The following EHBP1 variants were observed in gnomAD, a reference collection of about 807,000 sequenced individuals.
EHBP1 encodes the protein EH domain binding protein 1, also known as EH domain-binding protein 1.
A neutral mutation model predicts 144.0 loss-of-function variants in EHBP1; 55 were observed. That is an observed-to-expected ratio of 0.38 (90% CI 0.31 to 0.48). The LOEUF (loss-of-function observed/expected upper bound fraction) is 0.48, where lower values mean the gene tolerates loss of function less well. Among genes scored for constraint, EHBP1 ranks in the 20% least tolerant of loss-of-function variants. The pLI is 0.98. For missense variants in EHBP1, 1,200 were observed against 1,364.2 expected (o/e 0.88, Z 1.90); for synonymous variants, 469 against 472.7 (o/e 0.99, Z 0.10).
chr2:62,928,913 C>T (rs753834021), intron 10 of EHBP1, among the ~76,000 whole-genome samples: 5 of 150,918 alleles, frequency 3.3e-5, no homozygotes, highest in Non-Finnish European at 7.4e-5. Context: ...ACATTACTAC[C>T]TATTCCACAG....
chr2:62,779,509 C>T (rs1234314520), intron 5 of EHBP1, among the ~76,000 whole-genome samples: 3 of 151,842 alleles, frequency 2.0e-5, no homozygotes, highest in South Asian at 4.1e-4. Context: ...AATTCATGTG[C>T]TTATGGCTAC....
intron 10 of EHBP1, among the ~76,000 whole-genome samples, chr2:62,894,472 G>C (rs2052718561): frequency 6.6e-6 from 1 of 152,014 alleles, no homozygotes. Flanking sequence ...AGTGATCAAA[G>C]GATAATTGGA....
At chr2:62,941,659 G>C (rs1207987774) in intron 10 of EHBP1, among the ~76,000 whole-genome samples, 2 of 152,074 alleles carry the variant, frequency 1.3e-5, no homozygotes, top group Non-Finnish European at 2.9e-5. Flanking sequence ...TCTTAGGTAA[G>C]CAGTGTAGTA....
intron 20 of EHBP1, among the ~76,000 whole-genome samples, chr2:63,038,103 T>C (rs1441822491): frequency 6.6e-6 from 1 of 152,144 alleles, no homozygotes; most frequent in Non-Finnish European, 1.5e-5. Flanking sequence ...TTATAAGAAT[T>C]ACAGTAAAAT....
At chr2:62,979,990 T>A (rs2058890000) in intron 15 of EHBP1, among the ~76,000 whole-genome samples, 1 of 152,188 alleles carries the variant, frequency 6.6e-6, no homozygotes, top group South Asian at 2.1e-4. Context: ...TCACAAGGCT[T>A]GTGAGCTTCT....
At chr2:62,818,850 C>T (rs2045649449) in intron 5 of EHBP1, among the ~76,000 whole-genome samples, 1 of 151,974 alleles carries the variant, frequency 6.6e-6, no homozygotes, top group South Asian at 2.1e-4. Context: ...TGTACAAGAC[C>T]ATATATTTTG....
chr2:62,778,475 T>C (rs2042192694), intron 5 of EHBP1, among the ~76,000 whole-genome samples: 1 of 150,892 alleles, frequency 6.6e-6, no homozygotes, highest in African/African-American at 2.4e-5. Context: ...GCCTGGGAGG[T>C]TGAGACTGTA....
At chr2:62,878,981 G>A (rs1357658006) in intron 10 of EHBP1, among the ~76,000 whole-genome samples, 2 of 150,584 alleles carry the variant, frequency 1.3e-5, no homozygotes, top group Non-Finnish European at 2.9e-5. Flanking sequence ...TTGTGCCACT[G>A]CACTCCAGCC....
intron 5 of EHBP1, among the ~76,000 whole-genome samples, chr2:62,819,704 C>T (rs2045744672): frequency 6.6e-6 from 1 of 150,642 alleles, no homozygotes; most frequent in South Asian, 2.1e-4. Flanking sequence ...GTGGAGGTTG[C>T]AGTGAGCTGA....
chr2:62,998,545 G>A (rs1478410706), intron 19 of EHBP1, among the ~76,000 whole-genome samples: 1 of 152,064 alleles, frequency 6.6e-6, no homozygotes, highest in Non-Finnish European at 1.5e-5. Flanking sequence ...TGTGCCACTA[G>A]TGAAAAAGCT....
intron 5 of EHBP1, among the ~76,000 whole-genome samples, chr2:62,815,573 C>T (rs2045376690): frequency 6.6e-6 from 1 of 152,102 alleles, no homozygotes; most frequent in Admixed American, 6.6e-5. Flanking sequence ...CTAAAGTAGC[C>T]ACTTTTTTCC....
At chr2:62,835,934 C>A (rs1465578221) in intron 7 of EHBP1, among the ~76,000 whole-genome samples, 1 of 151,936 alleles carries the variant, frequency 6.6e-6, no homozygotes, top group Non-Finnish European at 1.5e-5. Context: ...CGCCATTGCC[C>A]AGGCTTGCTT....
intron 7 of EHBP1, among the ~76,000 whole-genome samples, chr2:62,847,035 G>A (rs1032375915): frequency 2.0e-5 from 3 of 152,120 alleles, no homozygotes; most frequent in Non-Finnish European, 4.4e-5. Context: ...TATTGAGAAA[G>A]AACTGAATTA....
intron 7 of EHBP1, among the ~76,000 whole-genome samples, chr2:62,834,319 T>G (rs1385289728): frequency 1.3e-5 from 2 of 152,206 alleles, no homozygotes; most frequent in Non-Finnish European, 2.9e-5. Flanking sequence ...ACAGAGAAAT[T>G]TTTAATGAAA....
intron 9 of EHBP1, among the ~76,000 whole-genome samples, chr2:62,873,807 C>G (rs1326799342): frequency 1.3e-5 from 2 of 152,138 alleles, no homozygotes; most frequent in African/African-American, 4.8e-5. Flanking sequence ...CTAGAATTCT[C>G]TACCCAGCTA....
At chr2:62,770,882 C>T in intron 4 of EHBP1, among the ~76,000 whole-genome samples, 1 of 152,106 alleles carries the variant, frequency 6.6e-6, no homozygotes, top group Non-Finnish European at 1.5e-5. Context: ...AGGCTATTAT[C>T]CTTCACATAC....
intron 5 of EHBP1, among the ~76,000 whole-genome samples, chr2:62,820,774 ATATATATG>A (rs1332836792): frequency 7.8e-6 from 1 of 127,866 alleles, no homozygotes; most frequent in Non-Finnish European, 1.6e-5. Context: ...ATATATATAT[ATATATATG>A]CACATCTAGT....
chr2:62,742,558 G>A (rs531797621), intron 2 of EHBP1, among the ~76,000 whole-genome samples: 8 of 152,126 alleles, frequency 5.3e-5, no homozygotes, highest in African/African-American at 1.9e-4. Flanking sequence ...TCATATTATT[G>A]TTTGGGTCTG....
chr2:62,687,856 TA>T (rs1169560083), intron 1 of EHBP1, among the ~76,000 whole-genome samples: 4 of 152,146 alleles, frequency 2.6e-5, no homozygotes, highest in African/African-American at 9.6e-5. Flanking sequence ...GAAAGAAAGA[TA>T]GTAAGAGTGA....
Sources: gnomAD v4.1 joint callset for allele counts (sites outside exome capture counted in the v4.1 genomes callset) on GRCh38, gnomAD v4.1.1 for gene constraint, MANE v1.5 for transcripts, NCBI Gene and HGNC (gene_info 2026-07-23, HGNC 2026-07-21) for gene names.